The following PARD3B variants were observed in gnomAD, a reference collection of about 807,000 sequenced individuals.
The protein encoded by PARD3B is partitioning defective 3 homolog B.
A neutral mutation model predicts 130.2 loss-of-function variants in PARD3B; 103 were observed. That is an observed-to-expected ratio of 0.79 (90% confidence interval 0.67 to 0.93). The LOEUF (loss-of-function observed/expected upper bound fraction) is 0.93. PARD3B is among the 40% of genes least tolerant of loss of function. PARD3B has a pLI of 0.00. For missense variants in PARD3B, 1,609 were observed against 1,499.2 expected (o/e 1.07, Z -1.21); for synonymous variants, 583 against 553.2 (o/e 1.05, Z -0.76).
chr2:205,249,155 A>ATAAGGAAAATCATAATTAGGGAATAT (rs1159330167), intron 16 of PARD3B, among the ~76,000 whole-genome samples: 8 of 148,912 alleles, frequency 5.4e-5, no homozygotes, highest in Non-Finnish European at 1.0e-4. Flanking sequence ...GATTACAGGC[A>ATAAGGAAAATCATAATTAGGGAATAT]TGTGTGTGGT....
intron 20 of PARD3B, among the ~76,000 whole-genome samples, chr2:205,454,064 G>A (rs1045453686): frequency 2.0e-5 from 3 of 152,020 alleles, no homozygotes; most frequent in African/African-American, 4.8e-5. Flanking sequence ...TTTGTGCAAA[G>A]CACCCTACTC....
chr2:205,214,138 T>C (rs190723785), intron 15 of PARD3B, among the ~76,000 whole-genome samples: 1 of 152,114 alleles, frequency 6.6e-6, no homozygotes, highest in Non-Finnish European at 1.5e-5. Flanking sequence ...ATTATTTTAA[T>C]GTATAAGATG....
At chr2:205,597,490 A>C (rs2054613752) in intron 22 of PARD3B, among the ~76,000 whole-genome samples, 1 of 152,196 alleles carries the variant, frequency 6.6e-6, no homozygotes, top group African/African-American at 2.4e-5. Context: ...ATAAACAAAG[A>C]GGTACGTGTG....
rs770502565 is a variant in PARD3B at position 204,669,865 on chromosome 2, C to T, written c.121-16316C>T. On this transcript the variant is annotated intron_variant, in intron 1 of 22. Coordinates refer to ENST00000406610, the MANE Select transcript of PARD3B (RefSeq NM_001302769.2). The surrounding 1 kb of genome is among the most constrained non-coding windows in gnomAD (Gnocchi z 4.3). ...ATGCTGTTTTAGATGACAGAATAAA[C>T]ATAGTCATTTATTAAAGATAAAGGT... 1.3e-5 allele frequency among the ~76,000 whole-genome samples: 2 copies of T among 151,986 alleles called. No individual in the cohort carries two copies. The highest frequency in any genetic ancestry group is 6.6e-5 in the Admixed American group (1 of 15,240).
At chr2:204,787,679 A>C (rs1311550490) in intron 2 of PARD3B, among the ~76,000 whole-genome samples, 3 of 152,200 alleles carry the variant, frequency 2.0e-5, no homozygotes, top group African/African-American at 4.8e-5. Context: ...GTATATTTCT[A>C]ATAGGTGGAA....
chr2:204,579,161 AATAATC>A (rs899144389), intron 1 of PARD3B, among the ~76,000 whole-genome samples: 44 of 152,036 alleles, frequency 2.9e-4, no homozygotes, highest in African/African-American at 1.0e-3. Context: ...CAACAACAGT[AATAATC>A]ATAATCATGG....
At chr2:205,495,823 AG>A (rs2049902924) in intron 20 of PARD3B, among the ~76,000 whole-genome samples, 1 of 152,196 alleles carries the variant, frequency 6.6e-6, no homozygotes, top group African/African-American at 2.4e-5. Flanking sequence ...TCTATTTGCT[AG>A]GAGCTTCATA....
At chr2:204,801,719 G>A (rs1358165061) in intron 2 of PARD3B, among the ~76,000 whole-genome samples, 2 of 152,064 alleles carry the variant, frequency 1.3e-5, no homozygotes, top group Non-Finnish European at 2.9e-5. Context: ...CCTGAATGCT[G>A]CGGCCAGAAC....
intron 19 of PARD3B, among the ~76,000 whole-genome samples, chr2:205,409,899 G>T (rs983326703): frequency 1.3e-5 from 2 of 152,176 alleles, no homozygotes; most frequent in Middle Eastern, 3.4e-3. Flanking sequence ...TAAAAATGTG[G>T]AAAGAAATTT....
In PARD3B at chr2:205,103,132, A is replaced by T. The variant is rs1430470014; in HGVS notation, c.505-1294A>T. On this transcript the variant is annotated intron_variant, in intron 4 of 22. Coordinates refer to ENST00000406610, the MANE Select transcript of PARD3B (RefSeq NM_001302769.2). Reference sequence around the variant, plus strand: ...TTTATATTTTATATTTATGTAAAATAAACATATTTTATATTTATGTAAAAT... The same window carrying T: ...TTTATATTTTATATTTATGTAAAATTAACATATTTTATATTTATGTAAAAT... 1.4e-4 allele frequency among the ~76,000 whole-genome samples: 20 copies of T among 144,120 alleles called. No individual in the cohort carries two copies. In the South Asian group the frequency reaches 1.5e-3, roughly 11 times the overall value. The allele number at this position is 144,120 out of a possible 152,430, so 94.5% of individuals were successfully genotyped here.
chr2:205,560,505 AAC>A (rs1292791614), intron 22 of PARD3B, among the ~76,000 whole-genome samples: 1 of 152,126 alleles, frequency 6.6e-6, no homozygotes, highest in East Asian at 1.9e-4. Flanking sequence ...GAGTTGAAAA[AAC>A]AGTGTCTGCA....
In PARD3B at chr2:204,673,344, C is replaced by T. The variant is rs1241115979; in HGVS notation, c.121-12837C>T. On this transcript the variant is annotated intron_variant, in intron 1 of 22. Transcript: ENST00000406610. The surrounding 1 kb of genome is among the most constrained non-coding windows in gnomAD (Gnocchi z 4.7). ...TGTAAAAAGTAGTAGAATTTTATTT[C>T]ATTTTGTAGAGTGGAATAAAAAATT... Among the ~76,000 whole-genome samples, 3 of 152,106 alleles carry T rather than the reference C, an allele frequency of 2.0e-5. No homozygotes were observed. Among genetic ancestry groups the T allele is most frequent in the African/African-American group, 4.8e-5 (2 of 41,418 alleles).
chr2:204,908,482 AT>A (rs1172781977), intron 2 of PARD3B, among the ~76,000 whole-genome samples: 4 of 152,152 alleles, frequency 2.6e-5, no homozygotes, highest in Non-Finnish European at 4.4e-5. Flanking sequence ...AACTGGGAAT[AT>A]TTTTTTAAGT....
At chr2:205,115,117 C>G (rs1378328988) in intron 6 of PARD3B, among the ~76,000 whole-genome samples, 2 of 152,134 alleles carry the variant, frequency 1.3e-5, no homozygotes, top group Non-Finnish European at 2.9e-5. Flanking sequence ...GTGACAGTCA[C>G]TAGACTTCAT....
At chr2:205,034,355 T>C (rs546271409) in intron 3 of PARD3B, among the ~76,000 whole-genome samples, 1 of 152,308 alleles carries the variant, frequency 6.6e-6, no homozygotes, top group African/African-American at 2.4e-5. Context: ...CATTCTTGTT[T>C]GACAACTTGT....
intron 14 of PARD3B, among the ~76,000 whole-genome samples, chr2:205,189,959 T>C (rs904400124): frequency 6.6e-6 from 1 of 152,236 alleles, no homozygotes; most frequent in Non-Finnish European, 1.5e-5. Flanking sequence ...TAGATAGATA[T>C]GTAGATATCT....
Position 204,736,568 on chromosome 2 carries a change from C to G in PARD3B, c.222+50286C>G, listed in dbSNP as rs576470942. Among the ~76,000 whole-genome samples, 5 of 152,216 alleles carry G rather than the reference C, an allele frequency of 3.3e-5. No homozygotes were observed. The South Asian group carries it at 1.0e-3, about 32-fold the overall frequency. Reference sequence around the variant, plus strand: ...CTCCTGTGTTACTTTTTTTAGAATACTGTCCTCTAGCTCCATCCAAGTTGC... The same window carrying G: ...CTCCTGTGTTACTTTTTTTAGAATAGTGTCCTCTAGCTCCATCCAAGTTGC... On this transcript the variant is annotated intron_variant, in intron 2 of 22. Transcript: ENST00000406610.
chr2:204,826,468 G>A (rs1575078659), intron 2 of PARD3B, among the ~76,000 whole-genome samples: 3 of 151,650 alleles, frequency 2.0e-5, no homozygotes. Context: ...ATTTCCTAGG[G>A]GCAAAAAATG....
At chr2:205,381,022 TGATATATTATATATAAAGAA>T (rs1348426084) in intron 18 of PARD3B, among the ~76,000 whole-genome samples, 10,127 of 34,470 alleles carry the variant, frequency 0.29, 1,460 homozygotes, top group African/African-American at 0.34. Flanking sequence ...AGAATATATA[TGATATATTATATATAAAGAA>T]TATATATTAT....
Sources: gnomAD v4.1 joint callset for allele counts (sites outside exome capture counted in the v4.1 genomes callset) on GRCh38, gnomAD v4.1.1 for gene constraint, Gnocchi (gnomAD v3.1) non-coding constraint, MANE v1.5 for transcripts, NCBI Gene and HGNC (gene_info 2026-07-23, HGNC 2026-07-21) for gene names.